The following AOPEP variants were observed in gnomAD, a reference collection of about 807,000 sequenced individuals.
The protein encoded by AOPEP is aminopeptidase O (putative).
Under a neutral mutation model 98.1 loss-of-function variants are expected in AOPEP, and 77 were observed. That is an observed-to-expected ratio of 0.78 (90% CI 0.65 to 0.95). The LOEUF (loss-of-function observed/expected upper bound fraction) is 0.95. Ranked by LOEUF, AOPEP falls within the 40% of genes least tolerant of loss-of-function variation. The pLI is 0.00. For synonymous variants in AOPEP, 346 were observed against 365.3 expected (o/e 0.95, Z 0.60); for missense variants, 1,024 against 1,024.7 (o/e 1.00, Z 0.01).
At chr9:94,888,159 C>T (rs193025706) in intron 5 of AOPEP, among the ~76,000 whole-genome samples, 2 of 152,254 alleles carry the variant, frequency 1.3e-5, no homozygotes, top group Admixed American at 1.3e-4. Flanking sequence ...TCCATAACAG[C>T]TGAGGTGACT....
rs113657409 is a variant in AOPEP, at chr9:94,728,239, G to GCGCGCGCGCGCGCACACACACACACA, written c.-136+1489_-136+1490insGCGCGCGCGCGCACACACACACACAC. ...TGTGATCCTTCCTGCGTGCGCGCAT[G>GCGCGCGCGCGCGCACACACACACACA]CACACACACACACACACACACACAC... On this transcript the variant is annotated intron_variant, in intron 1 of 16. Transcript: ENST00000375315. 4.7e-3 allele frequency among the ~76,000 whole-genome samples: 687 copies of GCGCGCGCGCGCGCACACACACACACA among 146,580 alleles called. 1 individual carries two copies. Among genetic ancestry groups the GCGCGCGCGCGCGCACACACACACACA allele is most frequent in the Admixed American group, 0.011 (162 of 14,614 alleles).
At chr9:94,874,373 TAAAA>T (rs886247530) in intron 5 of AOPEP, among the ~76,000 whole-genome samples, 1 of 150,662 alleles carries the variant, frequency 6.6e-6, no homozygotes, top group Admixed American at 6.6e-5. Context: ...AACATTCCTT[TAAAA>T]AAAAAGCCAC....
At chr9:94,932,145 A>C (rs572858837) in intron 7 of AOPEP, 1,152 of 1,002,896 alleles carry the variant, frequency 1.1e-3, no homozygotes, top group Non-Finnish European at 1.3e-3. Flanking sequence ...AACAAATAAA[A>C]AAACAAACAA....
At chr9:94,805,183 T>C (rs563067685) in intron 5 of AOPEP, among the ~76,000 whole-genome samples, 7 of 152,188 alleles carry the variant, frequency 4.6e-5, no homozygotes, top group Admixed American at 6.5e-5. Context: ...TTTTTTTTTT[T>C]CTTGGGACCG....
At chr9:94,741,962 A>G (rs567841705) in intron 1 of AOPEP, among the ~76,000 whole-genome samples, 87 of 152,378 alleles carry the variant, frequency 5.7e-4, no homozygotes, top group Non-Finnish European at 1.1e-3. Context: ...ACTCAGCACT[A>G]GAGTGCAGTC....
chr9:94,921,394 G>C (rs2053602953), intron 5 of AOPEP: 2 of 152,230 alleles, frequency 1.3e-5, no homozygotes, highest in Non-Finnish European at 2.9e-5. Context: ...GGGTGGACAT[G>C]GGTAGATTAC....
intron 4 of AOPEP, among the ~76,000 whole-genome samples, chr9:94,797,601 G>A (rs1490833996): frequency 6.6e-6 from 1 of 151,818 alleles, no homozygotes; most frequent in Non-Finnish European, 1.5e-5. Flanking sequence ...AAAACGTGCA[G>A]ATCTTAAGTG....
intron 4 of AOPEP, among the ~76,000 whole-genome samples, chr9:94,800,192 T>TA (rs1847908646): frequency 6.6e-6 from 1 of 152,260 alleles, no homozygotes; most frequent in Non-Finnish European, 1.5e-5. Flanking sequence ...TGATGGGCTG[T>TA]GTAAAGAACA....
intron 1 of AOPEP, among the ~76,000 whole-genome samples, chr9:94,754,924 G>T (rs1331717308): frequency 6.6e-6 from 1 of 152,158 alleles, no homozygotes; most frequent in Non-Finnish European, 1.5e-5. Flanking sequence ...GGCTGAGAAT[G>T]GCAGAGCAGT....
chr9:94,792,278 A>T (rs1204027540), intron 3 of AOPEP, among the ~76,000 whole-genome samples: 1 of 152,204 alleles, frequency 6.6e-6, no homozygotes, highest in Non-Finnish European at 1.5e-5. Context: ...CCCTAGTCTC[A>T]TGTGTTTTCT....
chr9:94,792,096 T>C (rs1460777722), intron 3 of AOPEP, among the ~76,000 whole-genome samples: 1 of 152,254 alleles, frequency 6.6e-6, no homozygotes, highest in East Asian at 1.9e-4. Flanking sequence ...ATCCTGGTCC[T>C]GTTACAAACT....
chr9:94,997,892 TCTCA>T (rs2061338292), intron 11 of AOPEP, among the ~76,000 whole-genome samples: 1 of 152,086 alleles, frequency 6.6e-6, no homozygotes, highest in African/African-American at 2.4e-5. Context: ...AGAGATGGGA[TCTCA>T]CTATGTTGCC....
chr9:94,785,297 T>A (rs989243564), intron 3 of AOPEP, among the ~76,000 whole-genome samples: 1 of 152,248 alleles, frequency 6.6e-6, no homozygotes, highest in African/African-American at 2.4e-5. Context: ...AGTTCTGTTA[T>A]AGCTGCAAAA....
At chr9:95,024,517 G>GT (rs1336838792) in intron 13 of AOPEP, among the ~76,000 whole-genome samples, 1 of 152,194 alleles carries the variant, frequency 6.6e-6, no homozygotes, top group African/African-American at 2.4e-5. Flanking sequence ...GGCCAGAGCC[G>GT]TTTCTAGATA....
chr9:94,896,587 C>T (rs180739913), intron 5 of AOPEP, among the ~76,000 whole-genome samples: 4 of 152,306 alleles, frequency 2.6e-5, no homozygotes, highest in East Asian at 3.9e-4. Flanking sequence ...GTGATGAGAA[C>T]GCACTTTATA....
intron 7 of AOPEP, among the ~76,000 whole-genome samples, chr9:94,948,986 C>A (rs1009326292): frequency 5.9e-5 from 9 of 152,214 alleles, no homozygotes; most frequent in African/African-American, 2.2e-4. Context: ...TCCAGCATCC[C>A]GTTCAACTAT....
At chr9:94,835,836 T>C (rs919654874) in intron 5 of AOPEP, among the ~76,000 whole-genome samples, 5 of 152,238 alleles carry the variant, frequency 3.3e-5, no homozygotes, top group African/African-American at 1.2e-4. Flanking sequence ...TTCCAGACCA[T>C]GGTTCAAAGG....
At chr9:95,049,155 A>G (rs904471986) in intron 13 of AOPEP, 2 of 152,206 alleles carry the variant, frequency 1.3e-5, no homozygotes, top group African/African-American at 4.8e-5. Context: ...GGTTCTTAGA[A>G]ATTTTAAAGT....
the AOPEP span, among the ~76,000 whole-genome samples, chr9:95,134,384 C>A: frequency 6.6e-6 from 1 of 152,156 alleles, no homozygotes; most frequent in Admixed American, 6.5e-5. Context: ...TCAGTCTCAG[C>A]TCAAGGGCGA....
Sources: gnomAD v4.1 joint callset for allele counts (sites outside exome capture counted in the v4.1 genomes callset) on GRCh38, gnomAD v4.1.1 for gene constraint, MANE v1.5 for transcripts, NCBI Gene and HGNC (gene_info 2026-07-23, HGNC 2026-07-21) for gene names.